NSG2: variants seen among roughly 807,000 people sequenced by gnomAD.
NSG2 encodes the protein neuronal vesicle trafficking-associated protein 2.
Under a neutral mutation model 16.9 loss-of-function variants are expected in NSG2, and 4 were observed. The observed-to-expected ratio is 0.24, with a 90% CI of 0.12 to 0.54. NSG2 has a LOEUF of 0.54. NSG2 is among the 20% of genes least tolerant of loss of function. The pLI is 0.95. For missense variants in NSG2, 179 were observed against 221.1 expected, an observed-to-expected ratio of 0.81 and a Z score of 1.21; for synonymous variants, 98 against 88.7, an observed-to-expected ratio of 1.11 and a Z score of -0.59.
chr5:174,053,251 C>A (rs1759919703), intron 2 of NSG2, among the ~76,000 whole-genome samples: 1 of 152,178 alleles, frequency 6.6e-6, no homozygotes, highest in African/African-American at 2.4e-5. Context: ...ATGGGCCCAG[C>A]TCAGTGCAAG....
intron 2 of NSG2, among the ~76,000 whole-genome samples, chr5:174,053,184 G>A (rs1358009740): frequency 6.6e-6 from 1 of 152,160 alleles, no homozygotes; most frequent in Non-Finnish European, 1.5e-5. Context: ...CCCTAAAACA[G>A]GCAATAATAT....
chr5:174,089,220 G>A (rs536161989), intron 3 of NSG2, among the ~76,000 whole-genome samples: 39 of 152,290 alleles, frequency 2.6e-4, no homozygotes, highest in African/African-American at 8.7e-4. Context: ...CCCTAACTCC[G>A]AGGGGCAGCA....
At chr5:174,093,645 G>T (rs916114341) in intron 3 of NSG2, among the ~76,000 whole-genome samples, 1 of 152,210 alleles carries the variant, frequency 6.6e-6, no homozygotes, top group Non-Finnish European at 1.5e-5. Flanking sequence ...CCAGGAACAA[G>T]GTGCCGGGAG....
rs546484693 is a variant in NSG2, at chr5:174,107,982, G to A, written c.*477G>A. The A allele has an allele frequency of 2.5e-5, 9 of 353,490 alleles. No individual in the cohort carries two copies. The highest frequency in any genetic ancestry group is 1.3e-4 in the African/African-American group (6 of 46,624). The allele number at this position is 353,490 out of a possible 1,614,324, so 21.9% of individuals were successfully genotyped here. ...TTGCAGAGTATGAGTGACACAGACCGGGACTATTCCATTAGCCTGTGGTCT... is the reference window on the plus strand; with the variant it reads ...TTGCAGAGTATGAGTGACACAGACCAGGACTATTCCATTAGCCTGTGGTCT... On this transcript the variant is annotated 3_prime_UTR_variant, in exon 5 of 5. Transcript: ENST00000303177. The surrounding 1 kb of genome is among the most constrained non-coding windows in gnomAD (Gnocchi z 4.5).
chr5:174,089,277 A>G (rs753472722), intron 3 of NSG2, among the ~76,000 whole-genome samples: 8 of 152,168 alleles, frequency 5.3e-5, no homozygotes, highest in Non-Finnish European at 7.4e-5. Context: ...GGGGTCCTCA[A>G]TGAATTTACA....
intron 3 of NSG2, among the ~76,000 whole-genome samples, chr5:174,087,956 G>A (rs1479737546): frequency 2.6e-5 from 4 of 152,102 alleles, no homozygotes; most frequent in African/African-American, 9.7e-5. Flanking sequence ...GAGAATTGAG[G>A]TCTCTAATTC....
chr5:174,098,353 G>A (rs958613417), intron 3 of NSG2, among the ~76,000 whole-genome samples: 1 of 152,148 alleles, frequency 6.6e-6, no homozygotes, highest in Non-Finnish European at 1.5e-5. Flanking sequence ...GGGAGCTACT[G>A]TCTTGGGCAG....
intron 2 of NSG2, among the ~76,000 whole-genome samples, chr5:174,051,886 T>G (rs1365934296): frequency 2.0e-5 from 3 of 152,018 alleles, no homozygotes; most frequent in African/African-American, 7.2e-5. Context: ...CTCAGAAGGG[T>G]GGAGGAACGA....
At chr5:174,054,315 T>G (rs1389616488) in intron 2 of NSG2, among the ~76,000 whole-genome samples, 1 of 152,268 alleles carries the variant, frequency 6.6e-6, no homozygotes, top group Non-Finnish European at 1.5e-5. Flanking sequence ...GCGTTCCATT[T>G]GAAGAATTTT....
intron 3 of NSG2, among the ~76,000 whole-genome samples, chr5:174,094,009 T>A (rs1361129468): frequency 6.6e-6 from 1 of 152,216 alleles, no homozygotes; most frequent in Non-Finnish European, 1.5e-5. Flanking sequence ...AAGTTTACAG[T>A]ATGCATCGTG....
chr5:174,099,344 G>C (rs1466719480), intron 3 of NSG2, among the ~76,000 whole-genome samples: 2 of 152,124 alleles, frequency 1.3e-5, no homozygotes, highest in Non-Finnish European at 2.9e-5. Flanking sequence ...TTGTCTCGCA[G>C]TGCTGTGCTC....
intron 2 of NSG2, among the ~76,000 whole-genome samples, chr5:174,053,911 CTG>C (rs1217721445): frequency 6.6e-6 from 1 of 152,184 alleles, no homozygotes; most frequent in Admixed American, 6.5e-5. Context: ...ACAATGTAAA[CTG>C]TGGGTAGCAT....
chr5:174,066,946 C>T (rs1256792502), intron 3 of NSG2, among the ~76,000 whole-genome samples: 3 of 139,006 alleles, frequency 2.2e-5, no homozygotes, highest in African/African-American at 5.6e-5. Flanking sequence ...GCCGAGATCC[C>T]GCCACTGCAC....
intron 3 of NSG2, among the ~76,000 whole-genome samples, chr5:174,086,725 G>T (rs761663287): frequency 2.0e-5 from 3 of 152,206 alleles, no homozygotes; most frequent in Non-Finnish European, 2.9e-5. Context: ...TCTCCATCCT[G>T]TAAGAGGTTC....
chr5:174,099,794 C>T (rs550692860), intron 3 of NSG2, among the ~76,000 whole-genome samples: 28 of 152,262 alleles, frequency 1.8e-4, no homozygotes, highest in African/African-American at 6.0e-4. Context: ...TATGATGTCA[C>T]ATCCCCCAGG....
intron 3 of NSG2, among the ~76,000 whole-genome samples, chr5:174,079,833 C>T (rs965685148): frequency 1.3e-5 from 2 of 152,190 alleles, no homozygotes; most frequent in African/African-American, 2.4e-5. Flanking sequence ...TAATCATGGA[C>T]TCCACAAGGC....
chr5:174,085,038 GT>G (rs1760581823), intron 3 of NSG2, among the ~76,000 whole-genome samples: 2 of 152,202 alleles, frequency 1.3e-5, no homozygotes, highest in African/African-American at 4.8e-5. Flanking sequence ...CCATGGGAAA[GT>G]TAATTAAGGC....
At chr5:174,092,047 C>T (rs1398471008) in intron 3 of NSG2, among the ~76,000 whole-genome samples, 1 of 152,140 alleles carries the variant, frequency 6.6e-6, no homozygotes, top group Non-Finnish European at 1.5e-5. Context: ...TGTCTTGTTC[C>T]AATGACAGTC....
intron 3 of NSG2, among the ~76,000 whole-genome samples, chr5:174,065,386 G>A (rs1413920379): frequency 1.3e-5 from 2 of 151,996 alleles, no homozygotes; most frequent in Non-Finnish European, 2.9e-5. Flanking sequence ...GCAGGGAGCA[G>A]ACACAGATGA....
Sources: gnomAD v4.1 joint callset for allele counts (sites outside exome capture counted in the v4.1 genomes callset) on GRCh38, gnomAD v4.1.1 for gene constraint, Gnocchi (gnomAD v3.1) non-coding constraint, MANE v1.5 for transcripts, NCBI Gene and HGNC (gene_info 2026-07-23, HGNC 2026-07-21) for gene names.